The following ADAMTS9 variants were observed in gnomAD, a reference collection of about 807,000 sequenced individuals.
The protein encoded by ADAMTS9 is ADAM metallopeptidase with thrombospondin type 1 motif 9, also known as A disintegrin and metalloproteinase with thrombospondin motifs 9.
ADAMTS9 carries 107 observed loss-of-function variants against 257.1 expected under a neutral mutation model. That is an observed-to-expected ratio of 0.42 (90% CI 0.36 to 0.49). The LOEUF (loss-of-function observed/expected upper bound fraction) is 0.49. Among genes scored for constraint, ADAMTS9 ranks in the 20% least tolerant of loss-of-function variants. ADAMTS9 has a pLI of 0.03. For missense variants in ADAMTS9, 2,353 were observed against 2,469.1 expected (o/e 0.95, Z 1.00); for synonymous variants, 982 against 880.9 (o/e 1.11, Z -2.03).
intron 3 of ADAMTS9, among the ~76,000 whole-genome samples, chr3:64,680,593 A>T (rs57550765): frequency 0.1 from 15,236 of 152,172 alleles, 1,251 homozygotes; most frequent in African/African-American, 0.21. Context: ...GAATCTGGCC[A>T]GGATGGAAGG....
At chr3:64,568,800 C>A in intron 28 of ADAMTS9, 1 of 352,276 alleles carries the variant, frequency 2.8e-6, no homozygotes, top group Non-Finnish European at 5.1e-6. Context: ...GAATTGGAGC[C>A]AAAAATAAAG....
chr3:64,645,564 A>G (rs186379817), intron 11 of ADAMTS9, among the ~76,000 whole-genome samples: 210 of 152,330 alleles, frequency 1.4e-3, no homozygotes, highest in African/African-American at 5.0e-3. Context: ...TGAAAAAGAA[A>G]CAAAGCAAAA....
intron 31 of ADAMTS9, 108 bp downstream of exon 31, chr3:64,550,784 C>A: frequency 7.2e-7 from 1 of 1,386,090 alleles, no homozygotes. Context: ...GCAAATCGGG[C>A]GGGTAGCCTC....
At chr3:64,650,022 G>A (rs761240832) in intron 9 of ADAMTS9, 4 of 423,124 alleles carry the variant, frequency 9.5e-6, no homozygotes, top group African/African-American at 2.0e-5. Flanking sequence ...CTGTTACAAC[G>A]TTGATCACAC....
chr3:64,661,977 G>T (rs1261317367), intron 3 of ADAMTS9, among the ~76,000 whole-genome samples: 2 of 151,508 alleles, frequency 1.3e-5, no homozygotes, highest in South Asian at 4.2e-4. Flanking sequence ...GTTTTAACTT[G>T]CTCTTTTCTT....
intron 28 of ADAMTS9, among the ~76,000 whole-genome samples, chr3:64,576,014 G>A (rs116512112): frequency 0.014 from 2,149 of 152,292 alleles, 25 homozygotes; most frequent in Non-Finnish European, 0.019. Context: ...TCTCATCCCT[G>A]TGAATGGGCA....
intron 3 of ADAMTS9, among the ~76,000 whole-genome samples, chr3:64,672,426 T>C (rs1358031526): frequency 2.0e-5 from 3 of 152,182 alleles, no homozygotes; most frequent in Non-Finnish European, 2.9e-5. Flanking sequence ...CTCATGCCTG[T>C]AATCCCAGCA....
chr3:64,664,217 C>T (rs1559818211), intron 3 of ADAMTS9, among the ~76,000 whole-genome samples: 1 of 152,106 alleles, frequency 6.6e-6, no homozygotes, highest in Non-Finnish European at 1.5e-5. Context: ...TCTGTGTATT[C>T]TTGCTCTTCT....
At chr3:64,635,719 C>T (rs887423303) in intron 12 of ADAMTS9, among the ~76,000 whole-genome samples, 1 of 152,168 alleles carries the variant, frequency 6.6e-6, no homozygotes, top group South Asian at 2.1e-4. Flanking sequence ...TCTCTGTGCA[C>T]GTCTGCTACA....
At chr3:64,555,463 T>C (rs956957639) in intron 30 of ADAMTS9, among the ~76,000 whole-genome samples, 18 of 152,282 alleles carry the variant, frequency 1.2e-4, no homozygotes, top group Non-Finnish European at 8.8e-5. Flanking sequence ...CTTCGTACCC[T>C]GTCTCTCTCC....
At chr3:64,620,138 G>C (rs534225637) in intron 19 of ADAMTS9, among the ~76,000 whole-genome samples, 3 of 152,072 alleles carry the variant, frequency 2.0e-5, no homozygotes, top group African/African-American at 4.8e-5. Flanking sequence ...TTTGAAGTCA[G>C]AGCCTTCAGT....
At chr3:64,613,611 C>T in intron 21 of ADAMTS9, 102 bp from the exon 22 acceptor site, 2 of 1,133,444 alleles carry the variant, frequency 1.8e-6, no homozygotes, top group South Asian at 1.7e-5. Context: ...CCTTTTCCCA[C>T]AGCAATCACT....
Position 64,546,874 on chromosome 3 carries a change from C to T in ADAMTS9, c.4948G>A (p.Glu1650Lys). The T allele has an allele frequency of 6.2e-7, 1 of 1,614,104 alleles. No homozygotes were observed. The highest frequency in any genetic ancestry group is 8.5e-7 in the Non-Finnish European group (1 of 1,180,002). ...SEIYTGKENYEYSYQTTINCP... is the reference protein window; with the variant it reads ...SEIYTGKENYKYSYQTTINCP... ...TTGATGGTGGTTTGGTAGCTGTATTCATAATTCTCCTTCCCGGTGTAAATC... is the reference window on the plus strand; with the variant it reads ...TTGATGGTGGTTTGGTAGCTGTATTTATAATTCTCCTTCCCGGTGTAAATC... The change falls in exon 32 of 40, where the codon GAA becomes AAA. Residue 1650 changes from glutamate (E) to lysine (K), a missense_variant. Physicochemically the swap from Glu to Lys is moderately conservative, Grantham distance 56 (BLOSUM62 1). Around this residue, in one of 3 missense-constraint regions of ADAMTS9, gnomAD observed 1,402 missense variants for 1,441.4 expected, o/e 0.97. Transcript: ENST00000498707.
intron 22 of ADAMTS9, among the ~76,000 whole-genome samples, chr3:64,609,292 G>T (rs1400531894): frequency 6.6e-6 from 1 of 151,964 alleles, no homozygotes; most frequent in African/African-American, 2.4e-5. Flanking sequence ...GAAAGAAAAA[G>T]AAATATTAAT....
At chr3:64,604,192 C>T in intron 24 of ADAMTS9, 35 bp downstream of exon 24, 2 of 1,602,928 alleles carry the variant, frequency 1.2e-6, no homozygotes, top group Middle Eastern at 1.7e-4. Flanking sequence ...TAGCCCCCAT[C>T]CTGCCCTCCC....
intron 11 of ADAMTS9, among the ~76,000 whole-genome samples, chr3:64,644,012 T>C (rs1052543237): frequency 1.3e-5 from 2 of 152,144 alleles, no homozygotes; most frequent in Non-Finnish European, 2.9e-5. Flanking sequence ...TTAAAGTCTG[T>C]TTCCACAATC....
intron 16 of ADAMTS9, among the ~76,000 whole-genome samples, chr3:64,624,204 G>A (rs1037672062): frequency 1.3e-5 from 2 of 151,162 alleles, no homozygotes; most frequent in African/African-American, 4.9e-5. Flanking sequence ...TTGCTTAAAG[G>A]GTAGATGATA....
At chr3:64,630,030 T>C (rs1700329159) in intron 16 of ADAMTS9, among the ~76,000 whole-genome samples, 1 of 150,336 alleles carries the variant, frequency 6.7e-6, no homozygotes, top group South Asian at 2.1e-4. Flanking sequence ...ATAAATAGAG[T>C]TCCTGCCTGG....
At chr3:64,605,894 C>T (rs1470197744) in intron 23 of ADAMTS9, among the ~76,000 whole-genome samples, 1 of 152,192 alleles carries the variant, frequency 6.6e-6, no homozygotes, top group East Asian at 1.9e-4. Flanking sequence ...ATAAAATATA[C>T]AATTATATAT....
Sources: allele counts gnomAD v4.1 joint callset (sites outside exome capture counted in the v4.1 genomes callset), GRCh38; gene constraint gnomAD v4.1.1; regional missense constraint gnomAD v4.1.1; transcripts MANE v1.5; gene names NCBI Gene and HGNC (gene_info 2026-07-23, HGNC 2026-07-21).